The following MYO18B variants were observed in gnomAD, a reference collection of about 807,000 sequenced individuals.
MYO18B encodes the protein myosin XVIIIB.
In MYO18B, 204 loss-of-function variants were observed where a neutral mutation model predicts 273.0. That is an observed-to-expected ratio of 0.75 (90% CI 0.67 to 0.84). The LOEUF is 0.84. Ranked by LOEUF, MYO18B falls within the 40% of genes least tolerant of loss-of-function variation. The pLI, the probability that MYO18B is intolerant of heterozygous loss-of-function variation, is 0.00. For missense variants in MYO18B, 3,212 were observed against 3,287.6 expected (o/e 0.98, Z 0.56); for synonymous variants, 1,330 against 1,305.7 (o/e 1.02, Z -0.40).
At chr22:25,955,649 A>G (rs988116309) in intron 39 of MYO18B, among the ~76,000 whole-genome samples, 4 of 152,178 alleles carry the variant, frequency 2.6e-5, no homozygotes, top group African/African-American at 7.2e-5. Flanking sequence ...TTCCTGCTCC[A>G]TTCATTCCAC....
chr22:25,838,292 G>A (rs1252762481), intron 17 of MYO18B, among the ~76,000 whole-genome samples: 3 of 151,970 alleles, frequency 2.0e-5, no homozygotes, highest in East Asian at 3.9e-4. Flanking sequence ...TCCGCCTCCC[G>A]GGTTCAAGCA....
chr22:25,828,623 C>G (rs753365029), intron 14 of MYO18B, among the ~76,000 whole-genome samples, 153 bp from the exon 15 acceptor site: 3 of 151,958 alleles, frequency 2.0e-5, no homozygotes, highest in African/African-American at 2.4e-5. Flanking sequence ...GTTGGGGAAA[C>G]CCCTGCTCAG....
At chr22:25,938,606 G>A (rs1180577542) in intron 34 of MYO18B, among the ~76,000 whole-genome samples, 1 of 152,134 alleles carries the variant, frequency 6.6e-6, no homozygotes, top group Non-Finnish European at 1.5e-5. Flanking sequence ...ATTTTAAGTG[G>A]CCACGCAGTG....
intron 22 of MYO18B, among the ~76,000 whole-genome samples, chr22:25,870,321 C>T (rs1050623257): frequency 3.3e-5 from 5 of 152,326 alleles, no homozygotes; most frequent in East Asian, 1.9e-4. Context: ...TAGCCTACCA[C>T]GCACCTGGGT....
At chr22:25,886,378 G>A (rs1465662099) in intron 25 of MYO18B, among the ~76,000 whole-genome samples, 1 of 152,200 alleles carries the variant, frequency 6.6e-6, no homozygotes. Flanking sequence ...AGGCAGCTCT[G>A]GGGGCAGTAC....
At chr22:25,758,777 A>C (rs2086208399) in intron 1 of MYO18B, among the ~76,000 whole-genome samples, 1 of 147,534 alleles carries the variant, frequency 6.8e-6, no homozygotes. Flanking sequence ...TTTTTTTTGG[A>C]GACAGAGTCT....
intron 40 of MYO18B, among the ~76,000 whole-genome samples, chr22:25,997,978 C>CGAGAGAGAGAGAGA (rs5844669): frequency 0.062 from 8,929 of 144,248 alleles, 347 homozygotes; most frequent in Middle Eastern, 0.1. Context: ...CACACACACA[C>CGAGAGAGAGAGAGA]GAGAGAGAGA....
chr22:25,992,800 C>T (rs1358595263), intron 40 of MYO18B, among the ~76,000 whole-genome samples: 2 of 152,214 alleles, frequency 1.3e-5, no homozygotes, highest in African/African-American at 4.8e-5. Flanking sequence ...CTAATTCTCT[C>T]ATCTGTAAAA....
intron 39 of MYO18B, among the ~76,000 whole-genome samples, chr22:25,977,899 C>G (rs893648828): frequency 2.0e-5 from 3 of 152,178 alleles, no homozygotes; most frequent in African/African-American, 7.2e-5. Context: ...GGTGACAAGA[C>G]TTGCTTGGGG....
intron 34 of MYO18B, among the ~76,000 whole-genome samples, chr22:25,940,358 T>A (rs971280377): frequency 6.6e-6 from 1 of 152,198 alleles, no homozygotes; most frequent in Non-Finnish European, 1.5e-5. Flanking sequence ...GACATGCCTT[T>A]GCTTCTCCTT....
At chr22:25,765,708 G>C (rs1228809837) in intron 3 of MYO18B, among the ~76,000 whole-genome samples, 1 of 152,094 alleles carries the variant, frequency 6.6e-6, no homozygotes, top group East Asian at 1.9e-4. Flanking sequence ...GGCAGGGTGG[G>C]GGGACCAAAG....
chr22:25,866,634 A>G (rs2090895231), intron 21 of MYO18B, among the ~76,000 whole-genome samples: 1 of 152,050 alleles, frequency 6.6e-6, no homozygotes, highest in South Asian at 2.1e-4. Flanking sequence ...AGGTCAAGAG[A>G]TGGAGACCAT....
chr22:25,761,272 C>T lies in MYO18B; in HGVS notation c.39+141C>T, dbSNP rs2086304226. ...TAGCATGTGCAATCCCACCTTCAACCTTCTCCCAGCCAGCTCGGTTAGCCT... is the reference window on the plus strand; with the variant it reads ...TAGCATGTGCAATCCCACCTTCAACTTTCTCCCAGCCAGCTCGGTTAGCCT... On this transcript the variant is annotated intron_variant, in intron 2 of 43. Coordinates refer to ENST00000335473, the MANE Select transcript of MYO18B (RefSeq NM_032608.7). 3 of 953,188 alleles carry T rather than the reference C, an allele frequency of 3.1e-6. No homozygotes were observed. In the African/African-American group the frequency reaches 4.8e-5, roughly 15 times the overall value. 59.0% of individuals were successfully genotyped at this position (953,188 alleles called of 1,614,324 possible).
chr22:26,039,664 G>T, the MYO18B span, among the ~76,000 whole-genome samples: 1 of 152,024 alleles, frequency 6.6e-6, no homozygotes, highest in Non-Finnish European at 1.5e-5. Context: ...TAGTTTGGGG[G>T]TACAGGTGGT....
At chr22:25,857,855 G>C (rs2090619938) in intron 21 of MYO18B, among the ~76,000 whole-genome samples, 1 of 152,250 alleles carries the variant, frequency 6.6e-6, no homozygotes, top group South Asian at 2.1e-4. Flanking sequence ...GTTTCGCCAT[G>C]TTGGCCAGGC....
the MYO18B span, among the ~76,000 whole-genome samples, chr22:26,051,604 T>C: frequency 6.6e-6 from 1 of 152,196 alleles, no homozygotes; most frequent in Non-Finnish European, 1.5e-5. Context: ...CATTATAAAG[T>C]AAGACTTGCC....
rs534199848 is a variant in MYO18B, at chr22:26,022,181, G to A, written c.6471-4264G>A. On this transcript the variant is annotated intron_variant, in intron 42 of 43. Transcript: ENST00000335473. ...GGCCCAGGCTCTGGGAAGCAGGCAC[G>A]GTAACATGTTGATTATCTGACATCC... 1.1e-4 allele frequency among the ~76,000 whole-genome samples: 17 copies of A among 151,716 alleles called. 1 individual carries two copies. The highest frequency in any genetic ancestry group is 3.1e-4 in the African/African-American group (13 of 41,354).
rs944966404 is a variant in MYO18B at position 26,026,776 on chromosome 22, T to C, written c.6802T>C (p.Ser2268Pro). The C allele has an allele frequency of 6.2e-7, 1 of 1,607,654 alleles. No homozygotes were observed. Among genetic ancestry groups the C allele is most frequent in the African/African-American group, 1.3e-5 (1 of 74,512 alleles). ...RRKRAQRGQG[S>P]TLGLEDWPTL... ...GAAGAGAGCCCAGAGAGGCCAGGGG[T>C]CCACGCTGGGCCTAGAGGACTGGCC... The change falls in exon 43 of 44, where the codon TCC (serine) becomes CCC (proline). Residue 2268 changes from serine to proline, a missense_variant. Transcript: ENST00000335473.
chr22:25,760,346 A>T (rs2086263202), intron 1 of MYO18B, among the ~76,000 whole-genome samples: 3 of 131,624 alleles, frequency 2.3e-5, no homozygotes, highest in African/African-American at 8.6e-5. Context: ...GGGGAGGTGG[A>T]GGTTGCAGTG....
Sources: allele counts gnomAD v4.1 joint callset (sites outside exome capture counted in the v4.1 genomes callset), GRCh38; gene constraint gnomAD v4.1.1; transcripts MANE v1.5; gene names NCBI Gene and HGNC (gene_info 2026-07-23, HGNC 2026-07-21).